Variants in KIRREL3 observed in about 807,000 individuals in gnomAD.
KIRREL3 encodes kirre like nephrin family adhesion molecule 3, also known as kin of IRRE-like protein 3.
Under a neutral mutation model 89.7 loss-of-function variants are expected in KIRREL3, and 36 were observed. That is an observed-to-expected ratio of 0.40 (90% CI 0.31 to 0.53). The LOEUF (loss-of-function observed/expected upper bound fraction) is 0.53. Among genes scored for constraint, KIRREL3 ranks in the 20% least tolerant of loss-of-function variants. KIRREL3 has a pLI of 0.49. For synonymous variants in KIRREL3, 445 were observed against 441.4 expected (o/e 1.01, Z -0.10); for missense variants, 864 against 1,056.6 (o/e 0.82, Z 2.53).
At position 126,628,871 on chromosome 11, in the gene KIRREL3, A is replaced by T. The variant is rs1227706756; in HGVS notation, c.56-65959T>A. ...AGTCTGAGCAACTGAGGATGTTGTG[A>T]AAGCATCTGACAGCACAGGGAGGCA... is the stretch of plus-strand genomic sequence containing the variant. On this transcript the variant is annotated intron_variant, in intron 1 of 16. Transcript: ENST00000525144. The surrounding 1 kb of genome is among the most constrained non-coding windows in gnomAD (Gnocchi z 5.2). 6.6e-6 allele frequency among the ~76,000 whole-genome samples: 1 copy of T among 152,152 alleles called. No homozygotes were observed. Among genetic ancestry groups the T allele is most frequent in the African/African-American group, 2.4e-5 (1 of 41,426 alleles).
rs190430292 is a variant in KIRREL3 at position 126,997,748 on chromosome 11, T to C, written c.55+2707A>G. ...CACTCTCTCTGCACGGGGACCAAGA[T>C]ACTGGGAGCATGGAGCTTGGGAATC... is the stretch of plus-strand genomic sequence containing the variant. On this transcript the variant is annotated intron_variant, in intron 1 of 16. Transcript: ENST00000525144. This position sits in a 1 kb window ranked among gnomAD's most constrained non-coding sequence, Gnocchi z 4.3. Among the ~76,000 whole-genome samples, 12 of 152,328 alleles carry C rather than the reference T, an allele frequency of 7.9e-5. No individual in the cohort carries two copies. The highest frequency in any genetic ancestry group is 5.8e-4 in the East Asian group (3 of 5,184).
intron 1 of KIRREL3, among the ~76,000 whole-genome samples, chr11:126,959,780 C>A (rs1949029026): frequency 6.8e-6 from 1 of 148,102 alleles, no homozygotes; most frequent in Non-Finnish European, 1.5e-5. Context: ...TGGGGGCCAC[C>A]TCTTCTACAC....
intron 1 of KIRREL3, among the ~76,000 whole-genome samples, chr11:126,833,812 A>C (rs1943689017): frequency 6.6e-6 from 1 of 152,198 alleles, no homozygotes; most frequent in East Asian, 1.9e-4. Flanking sequence ...TTGTTTTTGC[A>C]GGTCTGATTA....
In KIRREL3 at chr11:126,647,704, C is replaced by T. The variant is rs1944744623; in HGVS notation, c.56-84792G>A. 6.6e-6 allele frequency among the ~76,000 whole-genome samples: 1 copy of T among 152,208 alleles called. No homozygotes were observed. The highest frequency in any genetic ancestry group is 2.4e-5 in the African/African-American group (1 of 41,456). On this transcript the variant is annotated intron_variant, in intron 1 of 16. Coordinates refer to ENST00000525144, the MANE Select transcript of KIRREL3 (RefSeq NM_032531.4). The surrounding 1 kb of genome is among the most constrained non-coding windows in gnomAD (Gnocchi z 4.9). ...TGTGCCTGGATGGCGGCCAGAGCCT[C>T]CTAATTGGTCTCGCAGCTTCCATCC...
At chr11:126,816,743 T>C (rs1951585495) in intron 1 of KIRREL3, among the ~76,000 whole-genome samples, 1 of 152,214 alleles carries the variant, frequency 6.6e-6, no homozygotes, top group Non-Finnish European at 1.5e-5. Context: ...TCTAAGGCTC[T>C]TCTTTGCGCC....
intron 1 of KIRREL3, among the ~76,000 whole-genome samples, chr11:126,922,983 G>A (rs544505866): frequency 6.6e-6 from 1 of 152,124 alleles, no homozygotes; most frequent in African/African-American, 2.4e-5. Flanking sequence ...CCCTCGAGTC[G>A]GTGCCCTTGC....
rs1958664224 is a variant in KIRREL3, at chr11:126,523,685, G to GGAAAT, written c.284-2226_284-2222dup. Among the ~76,000 whole-genome samples, 1 of 152,132 alleles carries GGAAAT rather than the reference G, an allele frequency of 6.6e-6. No individual in the cohort carries two copies. Among genetic ancestry groups the GGAAAT allele is most frequent in the African/African-American group, 2.4e-5 (1 of 41,430 alleles). On this transcript the variant is annotated intron_variant, in intron 3 of 16. Coordinates refer to ENST00000525144, the MANE Select transcript of KIRREL3 (RefSeq NM_032531.4). The surrounding 1 kb of genome is among the most constrained non-coding windows in gnomAD (Gnocchi z 4.9). ...TCCCCCCAGGGCCAGGAGAGGGGCTGGAAATGGGTTCTAGCCCAATCCTCT... is the reference window on the plus strand; with the variant it reads ...TCCCCCCAGGGCCAGGAGAGGGGCTGGAAATGAAATGGGTTCTAGCCCAATCCTCT...
At chr11:126,700,050 T>G (rs1406133340) in intron 1 of KIRREL3, among the ~76,000 whole-genome samples, 1 of 152,060 alleles carries the variant, frequency 6.6e-6, no homozygotes, top group South Asian at 2.1e-4. Flanking sequence ...AAAAATTCAT[T>G]GAGCGTGGTG....
rs1939144672 is a variant in KIRREL3, at chr11:126,550,160, G to A, written c.133+12675C>T. ...ATGCACAGCGCCAGGCACAGAGCGG[G>A]TACTGGACACATGGTTGGTGAATAA... On this transcript the variant is annotated intron_variant, in intron 2 of 16. Coordinates refer to ENST00000525144, the MANE Select transcript of KIRREL3 (RefSeq NM_032531.4). The surrounding 1 kb of genome is among the most constrained non-coding windows in gnomAD (Gnocchi z 4.9). 1 of 152,260 alleles carries A rather than the reference G, an allele frequency of 6.6e-6. No homozygotes were observed. The highest frequency in any genetic ancestry group is 2.1e-4 in the South Asian group (1 of 4,824). The allele number at this position is 152,260 out of a possible 1,614,324, so 9.4% of individuals were successfully genotyped here.
chr11:126,742,084 T>C lies in KIRREL3; in HGVS notation c.56-179172A>G, dbSNP rs1214923190. Reference sequence around the variant, plus strand: ...TGTGAAACTCTATTTACACCAAGCTTTAAATTGAACTTCCCATTTCCCAGT... The same window carrying C: ...TGTGAAACTCTATTTACACCAAGCTCTAAATTGAACTTCCCATTTCCCAGT... On this transcript the variant is annotated intron_variant, in intron 1 of 16. Transcript: ENST00000525144. This position sits in a 1 kb window ranked among gnomAD's most constrained non-coding sequence, Gnocchi z 5.3. Among the ~76,000 whole-genome samples the C allele has an allele frequency of 6.6e-6, 1 of 152,226 alleles. No homozygotes were observed. Among genetic ancestry groups the C allele is most frequent in the Admixed American group, 6.5e-5 (1 of 15,290 alleles).
At chr11:126,886,814 G>C (rs900738304) in intron 1 of KIRREL3, among the ~76,000 whole-genome samples, 12 of 152,174 alleles carry the variant, frequency 7.9e-5, no homozygotes, top group African/African-American at 2.9e-4. Context: ...TTGAATAACA[G>C]CTGGAGGGAG....
chr11:126,567,193 T>C (rs1482425597), intron 1 of KIRREL3, among the ~76,000 whole-genome samples: 1 of 152,188 alleles, frequency 6.6e-6, no homozygotes, highest in African/African-American at 2.4e-5. Flanking sequence ...TGTTTGGAGA[T>C]AGGAAATTTG....
intron 1 of KIRREL3, among the ~76,000 whole-genome samples, chr11:126,928,200 G>A (rs1168495369): frequency 6.6e-6 from 1 of 152,232 alleles, no homozygotes; most frequent in Non-Finnish European, 1.5e-5. Flanking sequence ...GGATGTGCAG[G>A]AGTTTGCTAG....
At position 126,788,875 on chromosome 11, in the gene KIRREL3, C is replaced by T. The variant is rs1197160178; in HGVS notation, c.55+211580G>A. 3.3e-5 allele frequency among the ~76,000 whole-genome samples: 5 copies of T among 152,178 alleles called. No homozygotes were observed. Among genetic ancestry groups the T allele is most frequent in the Non-Finnish European group, 7.3e-5 (5 of 68,034 alleles). The stretch of plus-strand genomic sequence containing the variant: ...ATCATGACCTCCATGTGTAGAAAAT[C>T]AGCATTGTAAATAATCATTATTATC... On this transcript the variant is annotated intron_variant, in intron 1 of 16. Coordinates refer to ENST00000525144, the MANE Select transcript of KIRREL3 (RefSeq NM_032531.4). This position sits in a 1 kb window ranked among gnomAD's most constrained non-coding sequence, Gnocchi z 4.1.
chr11:126,598,444 C>T (rs770282142), intron 1 of KIRREL3, among the ~76,000 whole-genome samples: 1 of 152,184 alleles, frequency 6.6e-6, no homozygotes, highest in Non-Finnish European at 1.5e-5. Context: ...ATTCAGAGAT[C>T]ACTGGTAGGC....
At position 126,799,805 on chromosome 11, in the gene KIRREL3, T is replaced by C. The variant is rs551612053; in HGVS notation, c.55+200650A>G. Among the ~76,000 whole-genome samples the C allele has an allele frequency of 2.4e-3, 371 of 152,248 alleles. 2 individuals are homozygous for C. Among genetic ancestry groups the C allele is most frequent in the Admixed American group, 4.7e-3 (72 of 15,304 alleles). The stretch of plus-strand genomic sequence containing the variant: ...AAGGCTTGCCCTGAGTGATTTCTTA[T>C]GGAGACACTAAAAGGAGCTAAGTCT... On this transcript the variant is annotated intron_variant, in intron 1 of 16. Transcript: ENST00000525144.
intron 15 of KIRREL3, among the ~76,000 whole-genome samples, chr11:126,426,637 C>T (rs1363026569): frequency 2.0e-5 from 3 of 152,210 alleles, no homozygotes; most frequent in African/African-American, 7.2e-5. Context: ...TGAATAACCA[C>T]AGTGATGCTT....
In KIRREL3 at chr11:126,462,581, G is replaced by A. The variant is rs768325823; in HGVS notation, c.742+576C>T. Among the ~76,000 whole-genome samples, 1 of 152,142 alleles carries A rather than the reference G, an allele frequency of 6.6e-6. No individual in the cohort carries two copies. Among genetic ancestry groups the A allele is most frequent in the Non-Finnish European group, 1.5e-5 (1 of 68,040 alleles). ...TCAGGCAGGCTAAGACAGGAGAATC[G>A]CTTGAACCTGGGCAGCAGAGGTTGC... is the stretch of plus-strand genomic sequence containing the variant. On this transcript the variant is annotated intron_variant, in intron 6 of 16. Transcript: ENST00000525144. This position sits in a 1 kb window ranked among gnomAD's most constrained non-coding sequence, Gnocchi z 4.8.
intron 5 of KIRREL3, among the ~76,000 whole-genome samples, chr11:126,469,154 G>A (rs1340482724): frequency 6.6e-6 from 1 of 152,206 alleles, no homozygotes; most frequent in African/African-American, 2.4e-5. Context: ...GCAAGGTGAG[G>A]TCACGCAGCT....
Sources: allele counts gnomAD v4.1 joint callset (sites outside exome capture counted in the v4.1 genomes callset), GRCh38; gene constraint gnomAD v4.1.1; non-coding constraint Gnocchi (gnomAD v3.1); transcripts MANE v1.5; gene names NCBI Gene and HGNC (gene_info 2026-07-23, HGNC 2026-07-21).